The following NAPEPLD variants were observed in gnomAD, a reference collection of about 807,000 sequenced individuals.
The protein encoded by NAPEPLD is N-acyl-phosphatidylethanolamine-hydrolyzing phospholipase D.
Under a neutral mutation model 38.1 loss-of-function variants are expected in NAPEPLD, and 23 were observed. The ratio of observed to expected loss-of-function variants is 0.60; its 90% CI spans 0.43 to 0.86. The LOEUF (loss-of-function observed/expected upper bound fraction) is 0.86, where lower values mean the gene tolerates loss of function less well. Among genes scored for constraint, NAPEPLD ranks in the 40% least tolerant of loss-of-function variants. The pLI, the probability that NAPEPLD is intolerant of heterozygous loss-of-function variation, is 0.00. For missense variants in NAPEPLD, 411 were observed against 476.8 expected, an observed-to-expected ratio of 0.86 and a Z score of 1.28; for synonymous variants, 147 against 162.0, an observed-to-expected ratio of 0.91 and a Z score of 0.71.
chr7:103,102,004 C>CG lies in NAPEPLD; in HGVS notation c.*1424_*1425insC, dbSNP rs1422444628. The CG allele has an allele frequency of 7.6e-6, 1 of 131,184 alleles. No homozygotes were observed. The highest frequency in any genetic ancestry group is 1.6e-5 in the Non-Finnish European group (1 of 61,140). 8.1% of individuals were successfully genotyped at this position (131,184 alleles called of 1,614,324 possible). A position where few individuals can be genotyped will look rare whatever the true frequency, so the allele number is the denominator to read the frequency against. ...TAAATCTTATGTCAACTGACTCCCC[C>CG]CCCGCCCCCCAACCACTGGCATTCA... On this transcript the variant is annotated 3_prime_UTR_variant, in exon 5 of 5. Transcript: ENST00000465647.
chr7:103,120,548 G>C (rs1005176481), intron 2 of NAPEPLD, among the ~76,000 whole-genome samples: 2 of 152,070 alleles, frequency 1.3e-5, no homozygotes, highest in African/African-American at 4.8e-5. Context: ...CCTAGATGCA[G>C]TCATTTTTCT....
upstream of NAPEPLD, chr7:103,149,502 G>T: frequency 1.6e-6 from 2 of 1,262,464 alleles, no homozygotes; most frequent in Non-Finnish European, 2.0e-6. Flanking sequence ...AGTCGTCGCC[G>T]GGTCACTCCC....
intron 1 of NAPEPLD, among the ~76,000 whole-genome samples, chr7:103,134,328 C>T (rs940148242): frequency 2.6e-5 from 4 of 152,160 alleles, no homozygotes; most frequent in Admixed American, 6.5e-5. Flanking sequence ...TAACAAACCC[C>T]TGTGACAATT....
At chr7:103,149,455 G>C, upstream of NAPEPLD, 1 of 1,261,114 alleles carries the variant, frequency 7.9e-7, no homozygotes. Context: ...GCTGCAGGCA[G>C]CGCTTCAGCT....
intron 3 of NAPEPLD, chr7:103,115,411 G>A (rs1805362026): frequency 2.7e-6 from 1 of 373,046 alleles, no homozygotes; most frequent in Non-Finnish European, 4.8e-6. Flanking sequence ...TAAGTCACAG[G>A]AGGCAAAACC....
chr7:103,138,563 G>C (rs1450747758), intron 1 of NAPEPLD, among the ~76,000 whole-genome samples: 1 of 151,424 alleles, frequency 6.6e-6, no homozygotes, highest in African/African-American at 2.4e-5. Flanking sequence ...CCACCTCCCA[G>C]GTTCAAACGA....
chr7:103,142,600 AG>A (rs550784419), intron 1 of NAPEPLD, among the ~76,000 whole-genome samples: 49 of 151,870 alleles, frequency 3.2e-4, no homozygotes, highest in Non-Finnish European at 6.2e-4. Context: ...AAAAAAAGAA[AG>A]TTTGACAGGG....
chr7:103,125,890 A>AAATAATAAT lies in NAPEPLD; in HGVS notation c.294+2584_294+2592dup, dbSNP rs142799732. Among the ~76,000 whole-genome samples the AAATAATAAT allele has an allele frequency of 6.6e-3, 960 of 145,346 alleles. 16 individuals are homozygous for AAATAATAAT. Among genetic ancestry groups the AAATAATAAT allele is most frequent in the African/African-American group, 0.023 (911 of 39,464 alleles). On this transcript the variant is annotated intron_variant, in intron 2 of 4. Coordinates refer to ENST00000465647, the MANE Select transcript of NAPEPLD (RefSeq NM_001122838.3). ...CAAAAAGAGTGAGACTCTGTCTCAA[A>AAATAATAAT]AATAATAATAATAATAATAATAATA...
upstream of NAPEPLD, chr7:103,149,579 T>C (rs974061241): frequency 7.2e-5 from 72 of 993,462 alleles, no homozygotes; most frequent in Non-Finnish European, 9.1e-5. Flanking sequence ...TCTCCAGCCC[T>C]TACCAAGATG....
intron 4 of NAPEPLD, among the ~76,000 whole-genome samples, chr7:103,108,349 G>C (rs549587646): frequency 5.9e-5 from 9 of 152,112 alleles, no homozygotes; most frequent in Admixed American, 2.0e-4. Flanking sequence ...CACCATGTTG[G>C]TCAGGCTGGT....
chr7:103,110,419 G>T (rs1210806826), intron 4 of NAPEPLD, among the ~76,000 whole-genome samples: 1 of 152,132 alleles, frequency 6.6e-6, no homozygotes, highest in East Asian at 1.9e-4. Flanking sequence ...GGGATGCAAG[G>T]CTGGTTCAAC....
intron 1 of NAPEPLD, among the ~76,000 whole-genome samples, chr7:103,138,478 T>TA (rs1276377929): frequency 6.6e-6 from 1 of 151,332 alleles, no homozygotes; most frequent in African/African-American, 2.4e-5. Flanking sequence ...CAGCCCTTTT[T>TA]TTTTTTTGAG....
intron 2 of NAPEPLD, among the ~76,000 whole-genome samples, chr7:103,122,811 G>A (rs1806989775): frequency 6.6e-6 from 1 of 152,180 alleles, no homozygotes; most frequent in Non-Finnish European, 1.5e-5. Flanking sequence ...GACATTCAAA[G>A]CTCTCCAGAT....
Position 103,129,292 on chromosome 7 carries a change from C to T in NAPEPLD, c.-16-500G>A, listed in dbSNP as rs1045951055. ...GAAGGATGTTTGCTTTACCTATTAA[C>T]ATAACTGCCAAGCCCTTAAAAAATC... On this transcript the variant is annotated intron_variant, in intron 1 of 4. Coordinates refer to ENST00000465647, the MANE Select transcript of NAPEPLD (RefSeq NM_001122838.3). The T allele has an allele frequency of 2.2e-5, 22 of 983,888 alleles. No homozygotes were observed. The African/African-American group carries it at 3.5e-4, about 16-fold the overall frequency. The allele number at this position is 983,888 out of a possible 1,614,324, so 60.9% of individuals were successfully genotyped here.
At chr7:103,125,536 A>G (rs1807575894) in intron 2 of NAPEPLD, among the ~76,000 whole-genome samples, 1 of 152,182 alleles carries the variant, frequency 6.6e-6, no homozygotes, top group South Asian at 2.1e-4. Context: ...AAAATTGTAT[A>G]TGGTGACATT....
In NAPEPLD at chr7:103,115,092, T is replaced by C. The variant is rs1371227773; in HGVS notation, c.1024A>G (p.Ile342Val). 2 of 1,613,828 alleles carry C rather than the reference T, an allele frequency of 1.2e-6. No homozygotes were observed. The highest frequency in any genetic ancestry group is 2.2e-5 in the East Asian group (1 of 44,880). ...GCTAAGGCAAAAGTTCCCCAGTGAA[T>C]TGCCATAGATTTCTTTGTTTGGACA... ...TDVQTKKSMA[I>V]HWGTFALANE... is the part of the protein sequence containing the mutation. The change falls in exon 4 of 5, where the codon ATT becomes GTT. Residue 342 changes from isoleucine to valine, a missense_variant. Transcript: ENST00000465647.
intron 4 of NAPEPLD, among the ~76,000 whole-genome samples, chr7:103,113,197 T>C (rs1430390923): frequency 6.6e-6 from 1 of 152,212 alleles, no homozygotes; most frequent in Non-Finnish European, 1.5e-5. Flanking sequence ...GAATAAGAAA[T>C]TGTCACTGAA....
At chr7:103,109,589 C>T (rs1336801960) in intron 4 of NAPEPLD, among the ~76,000 whole-genome samples, 2 of 152,154 alleles carry the variant, frequency 1.3e-5, no homozygotes, top group African/African-American at 4.8e-5. Context: ...CTCTGGGACA[C>T]ATTTAAAGCA....
In NAPEPLD at chr7:103,115,293, G is replaced by C. The variant is rs189116344; in HGVS notation, c.942-119C>G. On this transcript the variant is annotated intron_variant, in intron 3 of 4. Transcript: ENST00000465647. Reference sequence around the variant, plus strand: ...CAGGACTATGGATGTTGAGAATTAAGAACCACTGGGATAAAACATGCAGTT... The same window carrying C: ...CAGGACTATGGATGTTGAGAATTAACAACCACTGGGATAAAACATGCAGTT... 1.5e-3 allele frequency: 996 copies of C among 669,896 alleles called. 7 individuals carry two copies. In the East Asian group the frequency reaches 0.018, roughly 12 times the overall value. The allele number at this position is 669,896 out of a possible 1,614,324, so 41.5% of individuals were successfully genotyped here.
Sources: allele counts gnomAD v4.1 joint callset (sites outside exome capture counted in the v4.1 genomes callset), GRCh38; gene constraint gnomAD v4.1.1; transcripts MANE v1.5; gene names NCBI Gene and HGNC (gene_info 2026-07-23, HGNC 2026-07-21).